The following NOX4 variants were observed in gnomAD, a reference collection of about 807,000 sequenced individuals.
The protein encoded by NOX4 is NADPH oxidase 4.
Under a neutral mutation model 87.6 loss-of-function variants are expected in NOX4, and 69 were observed. The observed-to-expected ratio is 0.79, with a 90% CI of 0.65 to 0.96. The LOEUF is 0.96. NOX4 is among the 40% of genes least tolerant of loss of function. The pLI, the probability that NOX4 is intolerant of heterozygous loss-of-function variation, is 0.00. For synonymous variants in NOX4, 275 were observed against 238.2 expected, an observed-to-expected ratio of 1.15 and a Z score of -1.42; for missense variants, 680 against 681.5, an observed-to-expected ratio of 1.00 and a Z score of 0.02.
At chr11:89,408,854 T>A (rs1317633289) in intron 8 of NOX4, among the ~76,000 whole-genome samples, 1 of 152,182 alleles carries the variant, frequency 6.6e-6, no homozygotes, top group Non-Finnish European at 1.5e-5. Flanking sequence ...GATCAAAGAA[T>A]CCCACATTTC....
chr11:89,549,590 A>T, the NOX4 span, among the ~76,000 whole-genome samples: 1 of 152,168 alleles, frequency 6.6e-6, no homozygotes, highest in Non-Finnish European at 1.5e-5. Flanking sequence ...TGCTGCACCC[A>T]TCAACCCGTC....
At chr11:89,556,950 T>C in the NOX4 span, 3 of 152,126 alleles carry the variant, frequency 2.0e-5, no homozygotes, top group Non-Finnish European at 4.4e-5. Context: ...TTAATGAAAA[T>C]GTGATGTTGC....
chr11:89,366,949 C>A (rs979704215), intron 12 of NOX4, among the ~76,000 whole-genome samples: 1 of 152,054 alleles, frequency 6.6e-6, no homozygotes. Context: ...TATCTTCTTT[C>A]CTGAGAATGG....
chr11:89,335,527 T>C (rs960606304), intron 17 of NOX4, among the ~76,000 whole-genome samples: 2 of 151,742 alleles, frequency 1.3e-5, no homozygotes, highest in African/African-American at 4.8e-5. Context: ...TGAAAACTTT[T>C]CCTAGGATCA....
chr11:89,340,859 T>C (rs1228645113), intron 14 of NOX4, among the ~76,000 whole-genome samples: 2 of 152,136 alleles, frequency 1.3e-5, no homozygotes, highest in African/African-American at 4.8e-5. Context: ...TAGAGCATGA[T>C]CATTTTTGTA....
At chr11:89,475,871 T>G (rs928546938) in intron 2 of NOX4, among the ~76,000 whole-genome samples, 1 of 152,104 alleles carries the variant, frequency 6.6e-6, no homozygotes, top group Non-Finnish European at 1.5e-5. Flanking sequence ...TTATCCAACC[T>G]CTGGTTCGCT....
the NOX4 span, among the ~76,000 whole-genome samples, chr11:89,521,719 GA>G: frequency 6.6e-6 from 1 of 152,054 alleles, no homozygotes; most frequent in African/African-American, 2.4e-5. Flanking sequence ...CAAAGCGAAA[GA>G]AACAACTGAT....
chr11:89,568,847 C>T, the NOX4 span, among the ~76,000 whole-genome samples: 1 of 152,044 alleles, frequency 6.6e-6, no homozygotes. Context: ...GGATAGAGAA[C>T]CCAGGAATAA....
chr11:89,509,642 G>A, the NOX4 span, among the ~76,000 whole-genome samples: 2 of 151,966 alleles, frequency 1.3e-5, no homozygotes, highest in African/African-American at 4.8e-5. Context: ...ACTAAATTTT[G>A]CCAAACATCT....
intron 2 of NOX4, among the ~76,000 whole-genome samples, chr11:89,459,257 G>C (rs1409557145): frequency 6.6e-6 from 1 of 151,990 alleles, no homozygotes; most frequent in East Asian, 1.9e-4. Context: ...GAGTAAACAG[G>C]AACGTAAAGA....
intron 11 of NOX4, among the ~76,000 whole-genome samples, chr11:89,389,010 T>A (rs1336106239): frequency 1.3e-5 from 2 of 152,166 alleles, no homozygotes; most frequent in Non-Finnish European, 2.9e-5. Context: ...ATGTCCACAG[T>A]CATAATACTA....
At chr11:89,330,744 T>C (rs965603023) in intron 17 of NOX4, among the ~76,000 whole-genome samples, 1 of 149,134 alleles carries the variant, frequency 6.7e-6, no homozygotes, top group African/African-American at 2.5e-5. Flanking sequence ...AAAGAACAAA[T>C]AGATAAGTAC....
At chr11:89,482,862 GACA>G (rs1472937399) in intron 2 of NOX4, among the ~76,000 whole-genome samples, 1 of 152,014 alleles carries the variant, frequency 6.6e-6, no homozygotes, top group African/African-American at 2.4e-5. Context: ...AAGGACCTTA[GACA>G]ACAGTAGAGA....
the NOX4 span, among the ~76,000 whole-genome samples, chr11:89,526,170 T>A: frequency 2.0e-5 from 3 of 152,220 alleles, no homozygotes; most frequent in Non-Finnish European, 4.4e-5. Context: ...TTTTTTTGAC[T>A]AATGTGGGTC....
chr11:89,375,985 T>C (rs1304023656), intron 11 of NOX4, among the ~76,000 whole-genome samples: 1 of 152,232 alleles, frequency 6.6e-6, no homozygotes, highest in Non-Finnish European at 1.5e-5. Context: ...TTGCCAAATA[T>C]TCATATCTCT....
chr11:89,546,858 T>A, the NOX4 span, among the ~76,000 whole-genome samples: 2 of 152,164 alleles, frequency 1.3e-5, no homozygotes, highest in Admixed American at 1.3e-4. Flanking sequence ...CCTCATGAAC[T>A]AATCACCTAT....
the NOX4 span, among the ~76,000 whole-genome samples, chr11:89,532,775 T>G: frequency 6.6e-6 from 1 of 152,176 alleles, no homozygotes. Flanking sequence ...TGTTGACGGA[T>G]GGACCTGGTG....
the NOX4 span, among the ~76,000 whole-genome samples, chr11:89,544,423 C>G: frequency 1.3e-5 from 2 of 152,082 alleles, no homozygotes; most frequent in African/African-American, 4.8e-5. Context: ...TGAAGTGCAG[C>G]ATCAAATAAA....
upstream of NOX4, among the ~76,000 whole-genome samples, chr11:89,492,920 A>C (rs3017887): frequency 0.81 from 123,110 of 152,082 alleles, 51,171 homozygotes; most frequent in Non-Finnish European, 0.92. Flanking sequence ...AAAAGCTTAG[A>C]GACTTTCAGA....
Sources: gnomAD v4.1 joint callset for allele counts (sites outside exome capture counted in the v4.1 genomes callset) on GRCh38, gnomAD v4.1.1 for gene constraint, MANE v1.5 for transcripts, NCBI Gene and HGNC (gene_info 2026-07-23, HGNC 2026-07-21) for gene names.